Variants in CLMP observed in about 807,000 individuals in gnomAD.
The protein encoded by CLMP is CXADR-like membrane protein.
Under a neutral mutation model 45.2 loss-of-function variants are expected in CLMP, and 27 were observed. The ratio of observed to expected loss-of-function variants is 0.60; its 90% CI spans 0.44 to 0.82. The LOEUF is 0.82. CLMP is among the 40% of genes least tolerant of loss of function. The pLI, the probability that CLMP is intolerant of heterozygous loss-of-function variation, is 0.00. For missense variants in CLMP, 403 were observed against 448.4 expected (o/e 0.90, Z 0.91); for synonymous variants, 167 against 171.4 (o/e 0.97, Z 0.20).
chr11:123,086,506 C>T (rs1369020770), intron 2 of CLMP, among the ~76,000 whole-genome samples: 2 of 152,196 alleles, frequency 1.3e-5, no homozygotes, highest in Non-Finnish European at 2.9e-5. Flanking sequence ...CCTTTGATCA[C>T]GTGTTGCTCC....
At chr11:123,183,835 G>A (rs1197588531) in intron 1 of CLMP, among the ~76,000 whole-genome samples, 1 of 152,190 alleles carries the variant, frequency 6.6e-6, no homozygotes, top group East Asian at 1.9e-4. Context: ...GAGCCCTGCT[G>A]AGTGCGGTGG....
intron 1 of CLMP, among the ~76,000 whole-genome samples, chr11:123,155,152 C>T (rs1861395250): frequency 6.6e-6 from 1 of 152,152 alleles, no homozygotes; most frequent in Non-Finnish European, 1.5e-5. Context: ...CCATACCCAG[C>T]TAACTTTAAA....
chr11:123,095,914 C>T (rs902328514), intron 2 of CLMP, among the ~76,000 whole-genome samples: 4 of 152,240 alleles, frequency 2.6e-5, no homozygotes, highest in East Asian at 3.9e-4. Flanking sequence ...TCAGAAAGAC[C>T]GCAAGAACCT....
Position 123,106,412 on chromosome 11 carries a change from TGTGTGTGTGTGTGCGC to T in CLMP, c.29-8476_29-8461del, listed in dbSNP as rs1466845878. ...GTGTGTGTGTGTGTGTGTGTGTGTG[TGTGTGTGTGTGTGCGC>T]GCGCGCGCGCGCACGTGCCTGCCTT... is the stretch of plus-strand genomic sequence containing the variant. On this transcript the variant is annotated intron_variant, in intron 1 of 6. Coordinates refer to ENST00000448775, the MANE Select transcript of CLMP (RefSeq NM_024769.5). Among the ~76,000 whole-genome samples, 37 of 127,872 alleles carry T rather than the reference TGTGTGTGTGTGTGCGC, an allele frequency of 2.9e-4. No homozygotes were observed. In the South Asian group the frequency reaches 7.7e-3, roughly 26 times the overall value. The allele number at this position is 127,872 out of a possible 152,430, so 83.9% of individuals were successfully genotyped here.
rs146712705 is a variant in CLMP, at chr11:123,079,233, GTA to G, written c.679+3850_679+3851del. Reference sequence around the variant, plus strand: ...GATAAATCTAAATTGTGCTACTAATGTATATGTTAGTCAAAAATGTAAAAGCA... The same window carrying G: ...GATAAATCTAAATTGTGCTACTAATGTATGTTAGTCAAAAATGTAAAAGCA... On this transcript the variant is annotated intron_variant, in intron 5 of 6. Coordinates refer to ENST00000448775, the MANE Select transcript of CLMP (RefSeq NM_024769.5). 8.4e-3 allele frequency among the ~76,000 whole-genome samples: 1,273 copies of G among 152,184 alleles called. 15 individuals carry two copies. The highest frequency in any genetic ancestry group is 0.029 in the African/African-American group (1,185 of 41,532).
At chr11:123,113,798 C>G (rs1860677869) in intron 1 of CLMP, among the ~76,000 whole-genome samples, 1 of 152,158 alleles carries the variant, frequency 6.6e-6, no homozygotes, top group Non-Finnish European at 1.5e-5. Flanking sequence ...ACAATCTGGT[C>G]CACAAAGATC....
intron 1 of CLMP, among the ~76,000 whole-genome samples, chr11:123,128,608 T>G (rs1860936639): frequency 6.6e-6 from 1 of 152,108 alleles, no homozygotes. Context: ...TGCAGTGAGC[T>G]ATGATCACGT....
chr11:123,106,424 TGCGCGCGCGCGC>T (rs71057332), intron 1 of CLMP, among the ~76,000 whole-genome samples: 2,440 of 90,812 alleles, frequency 0.027, 60 homozygotes, highest in African/African-American at 0.073. Flanking sequence ...TGTGTGTGTG[TGCGCGCGCGCGC>T]GCGCACGTGC....
In CLMP at chr11:123,072,704, A is replaced by G. The variant is rs1865687839; in HGVS notation, c.*770T>C. 6.6e-6 allele frequency: 1 copy of G among 152,206 alleles called. No homozygotes were observed. The highest frequency in any genetic ancestry group is 1.5e-5 in the Non-Finnish European group (1 of 68,038). 9.4% of individuals were successfully genotyped at this position (152,206 alleles called of 1,614,324 possible). On this transcript the variant is annotated 3_prime_UTR_variant, in exon 7 of 7. Transcript: ENST00000448775. ...TTGAGGGGAAATCCACAATTGCTCC[A>G]TTATATATTTCTAATGTTTGTCAAC...
chr11:123,178,302 T>C (rs918821025), intron 1 of CLMP, among the ~76,000 whole-genome samples: 2 of 152,252 alleles, frequency 1.3e-5, no homozygotes, highest in Non-Finnish European at 1.5e-5. Flanking sequence ...TAAGTCATTC[T>C]GTAGGAGAGG....
rs371590540 is a variant in CLMP, at chr11:123,130,749, T to G, written c.29-32797A>C. Among the ~76,000 whole-genome samples the G allele has an allele frequency of 6.6e-5, 10 of 152,032 alleles. No individual in the cohort carries two copies. The East Asian group carries it at 1.7e-3, about 26-fold the overall frequency. Reference sequence around the variant, plus strand: ...AGAAAATAGTTCACAAATCTAAAATTCCATTCAGAGCTGCTTCTAAACACC... The same window carrying G: ...AGAAAATAGTTCACAAATCTAAAATGCCATTCAGAGCTGCTTCTAAACACC... On this transcript the variant is annotated intron_variant, in intron 1 of 6. Transcript: ENST00000448775.
intron 1 of CLMP, among the ~76,000 whole-genome samples, chr11:123,124,235 C>T (rs547010765): frequency 3.6e-4 from 54 of 152,106 alleles, no homozygotes; most frequent in Middle Eastern, 3.4e-3. Context: ...AGGCTGGTCT[C>T]GAACTCCTGG....
intron 1 of CLMP, among the ~76,000 whole-genome samples, chr11:123,104,074 C>G (rs1308301890): frequency 6.6e-6 from 1 of 150,430 alleles, no homozygotes; most frequent in Non-Finnish European, 1.5e-5. Flanking sequence ...AGGTGATCAG[C>G]CCGCCTCGGC....
intron 1 of CLMP, among the ~76,000 whole-genome samples, chr11:123,106,453 T>C (rs1860558769): frequency 6.7e-6 from 1 of 149,994 alleles, no homozygotes; most frequent in African/African-American, 2.5e-5. Context: ...GTGCCTGCCT[T>C]CCAGATTGTT....
At chr11:123,131,951 C>T (rs747581606) in intron 1 of CLMP, among the ~76,000 whole-genome samples, 26 of 152,156 alleles carry the variant, frequency 1.7e-4, no homozygotes, top group Non-Finnish European at 3.1e-4. Flanking sequence ...CGTTTATCAT[C>T]TATAAAATGA....
At chr11:123,161,149 C>T (rs1033222756) in intron 1 of CLMP, among the ~76,000 whole-genome samples, 4 of 152,140 alleles carry the variant, frequency 2.6e-5, no homozygotes, top group African/African-American at 9.7e-5. Flanking sequence ...TACTACGTGC[C>T]CAGCCCTGGG....
At position 123,073,855 on chromosome 11, in the gene CLMP, G is replaced by A. The variant is rs868645140; in HGVS notation, c.822-81C>T. 21 of 1,436,412 alleles carry A rather than the reference G, an allele frequency of 1.5e-5. No homozygotes were observed. The South Asian group carries it at 1.7e-4, about 11-fold the overall frequency. The allele number at this position is 1,436,412 out of a possible 1,614,324, so 89.0% of individuals were successfully genotyped here. On this transcript the variant is annotated intron_variant, in intron 6 of 6. Coordinates refer to ENST00000448775, the MANE Select transcript of CLMP (RefSeq NM_024769.5). ...ATGATTGCTTCCTTCTGAGGTTTCCGAAGCTGTGAACCTCAGATAATACCA... is the reference window on the plus strand; with the variant it reads ...ATGATTGCTTCCTTCTGAGGTTTCCAAAGCTGTGAACCTCAGATAATACCA...
chr11:123,108,513 G>C (rs950485515), intron 1 of CLMP, among the ~76,000 whole-genome samples: 4 of 152,096 alleles, frequency 2.6e-5, no homozygotes, highest in Non-Finnish European at 5.9e-5. Flanking sequence ...TTCAGTCAGG[G>C]GGGCCGGATA....
At chr11:123,192,348 C>T (rs1861919155) in intron 1 of CLMP, among the ~76,000 whole-genome samples, 1 of 152,062 alleles carries the variant, frequency 6.6e-6, no homozygotes, top group African/African-American at 2.4e-5. Flanking sequence ...TTGAACATTC[C>T]CCTACCCCTA....
Sources: allele counts gnomAD v4.1 joint callset (sites outside exome capture counted in the v4.1 genomes callset), GRCh38; gene constraint gnomAD v4.1.1; transcripts MANE v1.5; gene names NCBI Gene and HGNC (gene_info 2026-07-23, HGNC 2026-07-21).